ERG: variants seen among roughly 807,000 people sequenced by gnomAD.
The protein encoded by ERG is transcriptional regulator ERG.
In ERG, 9 loss-of-function variants were observed where a neutral mutation model predicts 55.3. The observed-to-expected ratio is 0.16, with a 90% CI of 0.10 to 0.28. The LOEUF is 0.28. Ranked by LOEUF, ERG falls within the 10% of genes least tolerant of loss-of-function variation. The probability of loss-of-function intolerance (pLI) is 1.00; values close to 1 mark genes in which losing one functional copy is unlikely to be tolerated. For missense variants in ERG, 434 were observed against 631.6 expected (o/e 0.69, Z 3.35); for synonymous variants, 223 against 237.3 (o/e 0.94, Z 0.55).
intron 1 of ERG, among the ~76,000 whole-genome samples, chr21:38,626,770 C>A (rs1477966357): frequency 6.6e-6 from 1 of 151,930 alleles, no homozygotes; most frequent in Non-Finnish European, 1.5e-5. Flanking sequence ...TATTTATAAC[C>A]TTTATTGATT....
intron 2 of ERG, among the ~76,000 whole-genome samples, chr21:38,524,645 C>T (rs1397536311): frequency 6.6e-6 from 1 of 152,142 alleles, no homozygotes; most frequent in Non-Finnish European, 1.5e-5. Context: ...GGTAATTAAA[C>T]ATTCTGTAAT....
At chr21:38,575,047 C>T (rs889418384) in intron 2 of ERG, among the ~76,000 whole-genome samples, 1 of 152,166 alleles carries the variant, frequency 6.6e-6, no homozygotes, top group African/African-American at 2.4e-5. Flanking sequence ...TCCCTTGGCA[C>T]AAGTCGCACT....
chr21:38,512,748 G>C (rs2059522096), intron 2 of ERG, among the ~76,000 whole-genome samples: 1 of 152,150 alleles, frequency 6.6e-6, no homozygotes, highest in Non-Finnish European at 1.5e-5. Context: ...AAACAAGTGT[G>C]TGCTACCTTT....
At chr21:38,379,967 A>G (rs375174696), downstream of ERG, 31 of 987,282 alleles carry the variant, frequency 3.1e-5, no homozygotes, top group East Asian at 4.8e-4. Context: ...TTGGGATTAC[A>G]GGTGTGAGTC....
At chr21:38,423,006 T>C (rs576583839) in intron 3 of ERG, among the ~76,000 whole-genome samples, 47 of 152,202 alleles carry the variant, frequency 3.1e-4, no homozygotes, top group Admixed American at 1.1e-3. Context: ...TATACACACG[T>C]GTGCATATGT....
At chr21:38,408,400 G>T (rs370856652) in intron 3 of ERG, among the ~76,000 whole-genome samples, 37 of 152,242 alleles carry the variant, frequency 2.4e-4, no homozygotes, top group African/African-American at 8.9e-4. Flanking sequence ...GCACCTTCTT[G>T]TGCCCTCACC....
chr21:38,609,455 C>CA lies in ERG; in HGVS notation c.-149-24511dup, dbSNP rs142679958. Among the ~76,000 whole-genome samples, 511 of 149,532 alleles carry CA rather than the reference C, an allele frequency of 3.4e-3. 4 individuals are homozygous for CA. The highest frequency in any genetic ancestry group is 2.7e-3 in the Admixed American group (40 of 14,994). ...ACACTGGAAAAAAACAAAGGTATCT[C>CA]AAAAAAAAAGACTTAAACTTAAAAA... On this transcript the variant is annotated intron_variant, in intron 1 of 10. Coordinates refer to the ERG transcript ENST00000398910.
At chr21:38,622,439 C>A (rs1447611092) in intron 1 of ERG, among the ~76,000 whole-genome samples, 3 of 149,372 alleles carry the variant, frequency 2.0e-5, no homozygotes, top group South Asian at 2.2e-4. Context: ...CACACACCCC[C>A]CACACATGAC....
upstream of ERG, among the ~76,000 whole-genome samples, chr21:38,499,736 G>C (rs993701320): frequency 7.9e-5 from 12 of 151,466 alleles, no homozygotes; most frequent in African/African-American, 2.7e-4. Flanking sequence ...GGGGGAAAGG[G>C]AGAGGAAGGA....
intron 1 of ERG, among the ~76,000 whole-genome samples, chr21:38,635,779 C>T (rs1468133623): frequency 1.3e-5 from 2 of 152,104 alleles, no homozygotes; most frequent in African/African-American, 2.4e-5. Context: ...GGCAGCAGTC[C>T]GCCACTATTA....
At chr21:38,638,048 G>A (rs1401203189) in intron 1 of ERG, among the ~76,000 whole-genome samples, 1 of 152,216 alleles carries the variant, frequency 6.6e-6, no homozygotes, top group East Asian at 1.9e-4. Context: ...CTAAGGTAAG[G>A]TGTGAAACAC....
Position 38,383,535 on chromosome 21 carries a change from T to A in ERG, c.1308A>T (p.Pro436=), listed in dbSNP as rs1987544736. The change falls in exon 10 of 10, where the codon CCA becomes CCT. Residue 436 remains proline (P), a synonymous_variant. Transcript: ENST00000288319. This position sits in a 1 kb window ranked among gnomAD's most constrained non-coding sequence, Gnocchi z 5.7. ...QKMNFVAPHP[P]ALPVTSSSFF... ...AACTGGAAGATGTCACGGGGAGGGC[T>A]GGAGGGTGGGGCGCCACAAAGTTCA... is the stretch of plus-strand genomic sequence containing the variant. 1.4e-5 allele frequency: 22 copies of A among 1,577,880 alleles called. No individual in the cohort carries two copies. The highest frequency in any genetic ancestry group is 1.9e-5 in the Non-Finnish European group (22 of 1,158,692).
chr21:38,636,272 T>C (rs2060388006), intron 1 of ERG, among the ~76,000 whole-genome samples: 1 of 152,166 alleles, frequency 6.6e-6, no homozygotes, highest in African/African-American at 2.4e-5. Flanking sequence ...AAATTACCCA[T>C]TCTCAGTTAT....
In ERG at chr21:38,380,362, A is replaced by G; in HGVS notation, c.*3041T>C. The G allele has an allele frequency of 1.9e-6, 2 of 1,060,280 alleles. No homozygotes were observed. Among genetic ancestry groups the G allele is most frequent in the Non-Finnish European group, 2.3e-6 (2 of 876,118 alleles). 65.7% of individuals were successfully genotyped at this position (1,060,280 alleles called of 1,614,324 possible). On this transcript the variant is annotated 3_prime_UTR_variant, in exon 10 of 10. Transcript: ENST00000288319. The stretch of plus-strand genomic sequence containing the variant: ...CCTTCTAACTGCAGCAGTCCTGACA[A>G]AGCACTTTGTGAACCCCTCCGGGAC...
In ERG at chr21:38,457,562, G is replaced by A. The variant is rs563311905; in HGVS notation, c.19-11941C>T. On this transcript the variant is annotated intron_variant, in intron 1 of 9. Transcript: ENST00000288319. The stretch of plus-strand genomic sequence containing the variant: ...GACGTGTACACAGAGTCTAAACCTC[G>A]GTCTTTAGATTGCCTCCTTACTGGA... Among the ~76,000 whole-genome samples, 8 of 152,234 alleles carry A rather than the reference G, an allele frequency of 5.3e-5. No individual in the cohort carries two copies. In the East Asian group the frequency reaches 9.6e-4, roughly 18 times the overall value.
Position 38,423,610 on chromosome 21 carries a change from G to A in ERG, c.237-49C>T, listed in dbSNP as rs766062015. The A allele has an allele frequency of 3.2e-6, 5 of 1,551,382 alleles. No homozygotes were observed. In the Admixed American group the frequency reaches 8.7e-5, roughly 27 times the overall value. On this transcript the variant is annotated intron_variant, in intron 2 of 9. Transcript: ENST00000288319. ...CATTATAACAGCAATCAAAGAGCAT[G>A]TCTCCATCGACTTCTCACAATACAC...
intron 1 of ERG, among the ~76,000 whole-genome samples, chr21:38,621,726 T>C (rs2060291671): frequency 6.6e-6 from 1 of 152,152 alleles, no homozygotes; most frequent in Non-Finnish European, 1.5e-5. Context: ...GTCTCCCTCA[T>C]AGATATCAGG....
intron 2 of ERG, among the ~76,000 whole-genome samples, chr21:38,548,925 A>G (rs112725930): frequency 0.5 from 75,406 of 149,576 alleles, 20,315 homozygotes; most frequent in Non-Finnish European, 0.62. Context: ...CCTGGCTAAC[A>G]TGGTGAAACC....
intron 1 of ERG, among the ~76,000 whole-genome samples, chr21:38,654,905 A>G (rs2060509867): frequency 6.6e-6 from 1 of 151,876 alleles, no homozygotes; most frequent in South Asian, 2.1e-4. Context: ...GGTTGGGTAT[A>G]ATTTTAATGA....
Sources: gnomAD v4.1 joint callset for allele counts (sites outside exome capture counted in the v4.1 genomes callset) on GRCh38, gnomAD v4.1.1 for gene constraint, Gnocchi (gnomAD v3.1) non-coding constraint, MANE v1.5 for transcripts, NCBI Gene and HGNC (gene_info 2026-07-23, HGNC 2026-07-21) for gene names.